OVOL2: variants seen among roughly 807,000 people sequenced by gnomAD.
The protein encoded by OVOL2 is transcription factor Ovo-like 2.
In OVOL2, 13 loss-of-function variants were observed where a neutral mutation model predicts 18.1. The observed-to-expected ratio is 0.72, with a 90% CI of 0.47 to 1.14. The LOEUF (loss-of-function observed/expected upper bound fraction) is 1.14. OVOL2 is among the 50% of genes most tolerant of loss of function. OVOL2 has a pLI of 0.00. For synonymous variants in OVOL2, 166 were observed against 162.7 expected (o/e 1.02, Z -0.16); for missense variants, 335 against 383.0 (o/e 0.87, Z 1.05).
chr20:18,028,136 G>A (rs1448985277), intron 3 of OVOL2, among the ~76,000 whole-genome samples: 2 of 152,034 alleles, frequency 1.3e-5, no homozygotes, highest in African/African-American at 4.8e-5. Flanking sequence ...ACTAGGTCAG[G>A]GGCTGGGACT....
At chr20:18,028,658 T>G (rs2036541315) in intron 3 of OVOL2, among the ~76,000 whole-genome samples, 1 of 151,968 alleles carries the variant, frequency 6.6e-6, no homozygotes, top group South Asian at 2.1e-4. Flanking sequence ...CCTGGTGTGG[T>G]GGCCCACATC....
At chr20:18,026,064 T>C (rs2036512230) in intron 3 of OVOL2, among the ~76,000 whole-genome samples, 1 of 152,214 alleles carries the variant, frequency 6.6e-6, no homozygotes, top group South Asian at 2.1e-4. Flanking sequence ...ATGCTGGCAT[T>C]AGAACTGGGC....
chr20:18,057,758 T>G lies in OVOL2; in HGVS notation c.-124A>C. The stretch of plus-strand genomic sequence containing the variant: ...CCACCTTCCCGCCTCGCCTGCCCTC[T>G]TCCTCCACCCCCCGCCGCGGCGCGG... On this transcript the variant is annotated 5_prime_UTR_variant, in exon 1 of 4. Coordinates refer to ENST00000278780, the MANE Select transcript of OVOL2 (RefSeq NM_021220.4). This position sits in a 1 kb window ranked among gnomAD's most constrained non-coding sequence, Gnocchi z 6.3. 1 of 1,411,162 alleles carries G rather than the reference T, an allele frequency of 7.1e-7. No individual in the cohort carries two copies. The highest frequency in any genetic ancestry group is 9.2e-7 in the Non-Finnish European group (1 of 1,089,386). The allele number at this position is 1,411,162 out of a possible 1,614,324, so 87.4% of individuals were successfully genotyped here.
At chr20:18,039,220 C>T (rs1415107841) in intron 3 of OVOL2, among the ~76,000 whole-genome samples, 2 of 152,196 alleles carry the variant, frequency 1.3e-5, no homozygotes, top group Non-Finnish European at 2.9e-5. Flanking sequence ...GACTGCTAGT[C>T]GCATGAGTGT....
intron 3 of OVOL2, among the ~76,000 whole-genome samples, chr20:18,036,548 G>A (rs759209146): frequency 8.5e-5 from 13 of 152,096 alleles, no homozygotes; most frequent in Non-Finnish European, 1.5e-4. Context: ...GAAAACGTCA[G>A]GTGGAAGGTA....
At chr20:18,027,409 T>C (rs914672952) in intron 3 of OVOL2, among the ~76,000 whole-genome samples, 1 of 151,532 alleles carries the variant, frequency 6.6e-6, no homozygotes, top group Non-Finnish European at 1.5e-5. Context: ...ATGCCTGTAA[T>C]CCCAGCTACT....
chr20:18,037,167 A>G (rs900962250), intron 3 of OVOL2, among the ~76,000 whole-genome samples: 6 of 151,724 alleles, frequency 4.0e-5, no homozygotes, highest in Non-Finnish European at 7.4e-5. Context: ...AGAAACTGCA[A>G]CAGGGCAGGC....
intron 3 of OVOL2, 68 bp from the exon 4 acceptor site, chr20:18,025,020 G>T: frequency 6.6e-7 from 1 of 1,511,060 alleles, no homozygotes; most frequent in Non-Finnish European, 8.9e-7. Context: ...CAACTATGAA[G>T]CCAGTAAAAG....
At chr20:18,039,624 AAAG>A (rs1460762786) in intron 3 of OVOL2, among the ~76,000 whole-genome samples, 2 of 106,356 alleles carry the variant, frequency 1.9e-5, no homozygotes, top group East Asian at 1.0e-3. Context: ...AAAAAAAAAG[AAAG>A]AAAGAAAGAA....
intron 2 of OVOL2, among the ~76,000 whole-genome samples, chr20:18,054,766 CAAA>C (rs745367889): frequency 4.7e-5 from 3 of 63,466 alleles, no homozygotes; most frequent in Admixed American, 1.8e-4. Context: ...AACTCCATCT[CAAA>C]AAAAAAAAAA....
rs1306176963 is a variant in OVOL2 at position 18,057,655 on chromosome 20, C to T, written c.-21G>A. ...GGCATGGTGGGGTCCCCTCTCCCGA[C>T]TGCGGCCCCCTCCTCCCGGCTGCTC... On this transcript the variant is annotated 5_prime_UTR_variant, in exon 1 of 4. Coordinates refer to ENST00000278780, the MANE Select transcript of OVOL2 (RefSeq NM_021220.4). This position sits in a 1 kb window ranked among gnomAD's most constrained non-coding sequence, Gnocchi z 6.3. The T allele has an allele frequency of 6.5e-7, 1 of 1,550,332 alleles. No homozygotes were observed. Among genetic ancestry groups the T allele is most frequent in the East Asian group, 2.4e-5 (1 of 40,844 alleles).
At chr20:18,026,500 G>A (rs1334292378) in intron 3 of OVOL2, among the ~76,000 whole-genome samples, 1 of 151,218 alleles carries the variant, frequency 6.6e-6, no homozygotes, top group Non-Finnish European at 1.5e-5. Context: ...TCCTGCCTCA[G>A]CCTCCCGAGT....
chr20:18,057,663 C>T lies in OVOL2; in HGVS notation c.-29G>A. On this transcript the variant is annotated 5_prime_UTR_variant, in exon 1 of 4. Transcript: ENST00000278780. The surrounding 1 kb of genome is among the most constrained non-coding windows in gnomAD (Gnocchi z 6.3). ...GGGGTCCCCTCTCCCGACTGCGGCCCCCTCCTCCCGGCTGCTCCCCGCTAG... is the reference window on the plus strand; with the variant it reads ...GGGGTCCCCTCTCCCGACTGCGGCCTCCTCCTCCCGGCTGCTCCCCGCTAG... 1 of 1,544,940 alleles carries T rather than the reference C, an allele frequency of 6.5e-7. No individual in the cohort carries two copies. The highest frequency in any genetic ancestry group is 8.7e-7 in the Non-Finnish European group (1 of 1,144,440).
chr20:18,034,010 C>A lies in OVOL2; in HGVS notation c.511+7524G>T, dbSNP rs377544719. Among the ~76,000 whole-genome samples the A allele has an allele frequency of 1.4e-4, 22 of 152,174 alleles. 1 individual carries two copies. In the East Asian group the frequency reaches 2.5e-3, roughly 17 times the overall value. The stretch of plus-strand genomic sequence containing the variant: ...CATTTCCTGGAAGCTCATGTCCCCT[C>A]TCTCTATTTTGAGCTGGTCAGCAGG... On this transcript the variant is annotated intron_variant, in intron 3 of 3. Transcript: ENST00000278780.
At chr20:18,032,325 AAGAG>A (rs1165077363) in intron 3 of OVOL2, among the ~76,000 whole-genome samples, 11 of 146,490 alleles carry the variant, frequency 7.5e-5, no homozygotes, top group East Asian at 6.5e-4. Flanking sequence ...GAGAGAAAGA[AAGAG>A]AGAAAGAAAG....
In OVOL2 at chr20:18,043,642, G is replaced by A. The variant is rs544428237; in HGVS notation, c.322-1919C>T. Among the ~76,000 whole-genome samples, 17 of 152,232 alleles carry A rather than the reference G, an allele frequency of 1.1e-4. No individual in the cohort carries two copies. In the South Asian group the frequency reaches 2.9e-3, roughly 26 times the overall value. ...GCCTATGGCTTTTGTCTTGACCCAC[G>A]AAATCATAAACGCATAAAATTATCA... On this transcript the variant is annotated intron_variant, in intron 2 of 3. Transcript: ENST00000278780.
chr20:18,047,742 T>C (rs2036735594), intron 2 of OVOL2, among the ~76,000 whole-genome samples: 1 of 144,316 alleles, frequency 6.9e-6, no homozygotes, highest in Non-Finnish European at 1.5e-5. Context: ...TAATCCCAAC[T>C]ACTTGGAAGG....
At position 18,024,708 on chromosome 20, in the gene OVOL2, G is replaced by T; in HGVS notation, c.756C>A (p.Ala252=). The change falls in exon 4 of 4, where the codon GCC becomes GCA. Residue 252 remains alanine (A), a synonymous_variant. Transcript: ENST00000278780. The stretch of plus-strand genomic sequence containing the variant: ...CGGATGTCAGCTTGCCCTGCAGAAG[G>T]GCTGCCAGTTTTTTAGATGTCTTTT... ...FLKKTSKKLA[A]LLQGKLTSAH... The T allele has an allele frequency of 6.2e-7, 1 of 1,614,104 alleles. No homozygotes were observed. The highest frequency in any genetic ancestry group is 1.1e-5 in the South Asian group (1 of 91,066).
intron 3 of OVOL2, among the ~76,000 whole-genome samples, chr20:18,038,971 C>A (rs886215133): frequency 2.6e-5 from 4 of 152,186 alleles, no homozygotes; most frequent in African/African-American, 9.7e-5. Flanking sequence ...CACCCCCACC[C>A]AATGGCCAGC....
Sources: allele counts gnomAD v4.1 joint callset (sites outside exome capture counted in the v4.1 genomes callset), GRCh38; gene constraint gnomAD v4.1.1; non-coding constraint Gnocchi (gnomAD v3.1); transcripts MANE v1.5; gene names NCBI Gene and HGNC (gene_info 2026-07-23, HGNC 2026-07-21).